The following DPF3 variants were observed in gnomAD, a reference collection of about 807,000 sequenced individuals.
DPF3 encodes the protein double PHD fingers 3.
A neutral mutation model predicts 56.8 loss-of-function variants in DPF3; 18 were observed. The ratio of observed to expected loss-of-function variants is 0.32; its 90% confidence interval spans 0.22 to 0.47. DPF3 has a LOEUF of 0.47. Among genes scored for constraint, DPF3 ranks in the 20% least tolerant of loss-of-function variants. The probability of loss-of-function intolerance (pLI) is 1.00; values close to 1 mark genes in which losing one functional copy is unlikely to be tolerated. For synonymous variants in DPF3, 188 were observed against 180.2 expected, an observed-to-expected ratio of 1.04 and a Z score of -0.35; for missense variants, 403 against 488.8, an observed-to-expected ratio of 0.82 and a Z score of 1.65.
chr14:72,720,259 C>A (rs779584795), intron 5 of DPF3, among the ~76,000 whole-genome samples: 1 of 152,040 alleles, frequency 6.6e-6, no homozygotes, highest in African/African-American at 2.4e-5. Flanking sequence ...TTGGGAGACC[C>A]GGACAAGAGG....
At chr14:72,785,103 T>C (rs1353135263) in intron 1 of DPF3, among the ~76,000 whole-genome samples, 2 of 152,034 alleles carry the variant, frequency 1.3e-5, no homozygotes, top group African/African-American at 4.8e-5. Context: ...CTGGGCAACA[T>C]AGTGAGATCC....
At chr14:72,824,639 C>A (rs1883709226) in intron 1 of DPF3, among the ~76,000 whole-genome samples, 1 of 150,648 alleles carries the variant, frequency 6.6e-6, no homozygotes, top group East Asian at 1.9e-4. Flanking sequence ...GCCATCTTGG[C>A]TCACTGCAAC....
intron 7 of DPF3, among the ~76,000 whole-genome samples, chr14:72,684,619 GA>G (rs1361056950): frequency 1.3e-5 from 2 of 151,988 alleles, no homozygotes; most frequent in Non-Finnish European, 2.9e-5. Flanking sequence ...AATGATGTGT[GA>G]TTTTTTTTTC....
intron 1 of DPF3, among the ~76,000 whole-genome samples, chr14:72,794,504 T>G (rs1452199314): frequency 6.6e-6 from 1 of 151,970 alleles, no homozygotes; most frequent in Non-Finnish European, 1.5e-5. Context: ...CAGCCAAGAG[T>G]GTGGGGATGA....
intron 5 of DPF3, among the ~76,000 whole-genome samples, chr14:72,714,999 T>A (rs11620671): frequency 6.6e-6 from 1 of 152,182 alleles, no homozygotes; most frequent in Non-Finnish European, 1.5e-5. Flanking sequence ...GGGGCAAGGC[T>A]AGGCTTCTGT....
At chr14:72,664,170 T>A (rs999687183) in intron 8 of DPF3, among the ~76,000 whole-genome samples, 5 of 152,138 alleles carry the variant, frequency 3.3e-5, no homozygotes, top group African/African-American at 9.7e-5. Context: ...GATTGTTCTC[T>A]CCATGGGCAT....
At position 72,614,499 on chromosome 14, in the gene DPF3, G is replaced by A. The variant is rs1327932224; in HGVS notation, c.*4798C>T. On this transcript the variant is annotated 3_prime_UTR_variant, in exon 11 of 11. Transcript: ENST00000556509. ...CCCAGCTACTGGTGTCCTGGGCTTG[G>A]GGGACAGGGGCCTGGGGGCCTGACC... 6.6e-6 allele frequency among the ~76,000 whole-genome samples: 1 copy of A among 151,990 alleles called. No homozygotes were observed. The highest frequency in any genetic ancestry group is 1.5e-5 in the Non-Finnish European group (1 of 67,986).
At position 72,723,714 on chromosome 14, in the gene DPF3, A is replaced by AT; in HGVS notation, c.443dup (p.Asn148LysfsTer2). ...CATTCCCTTCTTCTACATTTTCATC[A>AT]TTTTCCAAAACCCTCTGAAATGAAA... On this transcript the variant is annotated frameshift_variant, in exon 5 of 11. Coordinates refer to ENST00000556509, the MANE Select transcript of DPF3 (RefSeq NM_001280542.3). LOFTEE classifies it high-confidence loss of function. 6.3e-7 allele frequency: 1 copy of AT among 1,575,570 alleles called. No homozygotes were observed. The highest frequency in any genetic ancestry group is 8.6e-7 in the Non-Finnish European group (1 of 1,168,480).
chr14:72,661,906 T>C, intron 8 of DPF3: 1 of 982,566 alleles, frequency 1.0e-6, no homozygotes, highest in Non-Finnish European at 1.2e-6. Flanking sequence ...GCTCTCTGTG[T>C]TCGAATCTAT....
chr14:72,771,981 C>T, intron 1 of DPF3, 88 bp from the exon 2 acceptor site: 2 of 1,326,306 alleles, frequency 1.5e-6, no homozygotes, highest in South Asian at 4.1e-5. Context: ...ACACACCTCC[C>T]TGGAAAGACT....
intron 1 of DPF3, among the ~76,000 whole-genome samples, chr14:72,803,955 A>C (rs1033607195): frequency 6.6e-6 from 1 of 152,004 alleles, no homozygotes; most frequent in African/African-American, 2.4e-5. Flanking sequence ...CTTCACTGAA[A>C]GAATTTTAAA....
intron 2 of DPF3, among the ~76,000 whole-genome samples, chr14:72,756,140 CAA>C (rs1204121673): frequency 1.3e-5 from 2 of 152,146 alleles, no homozygotes; most frequent in Admixed American, 1.3e-4. Flanking sequence ...TGGCCAAAGA[CAA>C]GAGGGGAAAC....
intron 2 of DPF3, among the ~76,000 whole-genome samples, chr14:72,770,535 C>T (rs1241838435): frequency 1.3e-5 from 2 of 152,178 alleles, no homozygotes; most frequent in East Asian, 1.9e-4. Context: ...AAGTTCTTTA[C>T]CATTTAGAGA....
In DPF3 at chr14:72,879,830, T is replaced by A. The variant is rs1055040575; in HGVS notation, c.32+14227A>T. ...CTAGAGCCCATGGGCCTCCAGGGCATCCAGAGATGGGCTCTTCCAGGTCTG... is the reference window on the plus strand; with the variant it reads ...CTAGAGCCCATGGGCCTCCAGGGCAACCAGAGATGGGCTCTTCCAGGTCTG... On this transcript the variant is annotated intron_variant, in intron 1 of 10. Coordinates refer to ENST00000556509, the MANE Select transcript of DPF3 (RefSeq NM_001280542.3). The A allele has an allele frequency of 1.8e-5, 28 of 1,535,586 alleles. No homozygotes were observed. In the African/African-American group the frequency reaches 3.7e-4, roughly 20 times the overall value.
At chr14:72,700,459 C>T (rs1206458203) in intron 6 of DPF3, among the ~76,000 whole-genome samples, 1 of 152,110 alleles carries the variant, frequency 6.6e-6, no homozygotes, top group Non-Finnish European at 1.5e-5. Flanking sequence ...GACTAAGTTA[C>T]TCCAAATAGC....
intron 3 of DPF3, among the ~76,000 whole-genome samples, chr14:72,737,050 A>G (rs1889919598): frequency 1.3e-5 from 2 of 152,076 alleles, no homozygotes; most frequent in Non-Finnish European, 2.9e-5. Context: ...GGTGACTTCC[A>G]GCACGATCCA....
At chr14:72,700,617 C>A (rs1394018413) in intron 6 of DPF3, among the ~76,000 whole-genome samples, 2 of 152,214 alleles carry the variant, frequency 1.3e-5, no homozygotes, top group Non-Finnish European at 2.9e-5. Context: ...ATCAACCACC[C>A]AGGCCTGGCT....
chr14:72,883,970 A>G (rs1222112146), intron 1 of DPF3, among the ~76,000 whole-genome samples: 1 of 150,540 alleles, frequency 6.6e-6, no homozygotes, highest in Non-Finnish European at 1.5e-5. Flanking sequence ...CATTCTTGCC[A>G]CTGACCTCCA....
chr14:72,872,263 T>C (rs1164338412), intron 1 of DPF3, among the ~76,000 whole-genome samples: 1 of 152,190 alleles, frequency 6.6e-6, no homozygotes, highest in Non-Finnish European at 1.5e-5. Context: ...AGGCCTGTGA[T>C]GGGAGGGGCT....
Sources: allele counts gnomAD v4.1 joint callset (sites outside exome capture counted in the v4.1 genomes callset), GRCh38; gene constraint gnomAD v4.1.1; transcripts MANE v1.5; gene names NCBI Gene and HGNC (gene_info 2026-07-23, HGNC 2026-07-21).